Variants in KSR2 observed in about 807,000 individuals in gnomAD.
KSR2 encodes the protein kinase suppressor of ras 2.
A neutral mutation model predicts 107.8 loss-of-function variants in KSR2; 25 were observed. That is an observed-to-expected ratio of 0.23 (90% CI 0.17 to 0.32). The LOEUF (loss-of-function observed/expected upper bound fraction) is 0.32. KSR2 is among the 10% of genes least tolerant of loss of function. KSR2 has a pLI of 1.00. For missense variants in KSR2, 887 were observed against 1,268.9 expected (o/e 0.70, Z 4.57); for synonymous variants, 480 against 507.0 (o/e 0.95, Z 0.71).
At chr12:117,537,847 C>T (rs1876158145) in intron 10 of KSR2, among the ~76,000 whole-genome samples, 1 of 152,158 alleles carries the variant, frequency 6.6e-6, no homozygotes, top group South Asian at 2.1e-4. Context: ...TAAGGGACAC[C>T]CTGATTACTC....
Position 117,555,199 on chromosome 12 carries a change from C to A in KSR2, c.1488G>T (p.Gln496His). Residue 496 changes from glutamine to histidine, a missense_variant, in exon 9 of 20, where the codon CAG (glutamine) becomes CAT (histidine). Transcript: ENST00000339824. ...PPRYSDLHISQTLPKTNKINK... is the reference protein window; with the variant it reads ...PPRYSDLHISHTLPKTNKINK... ...TGATTTTGTTGGTTTTGGGGAGCGT[C>A]TGACTGATGTGCAGGTCTGAATAGC... 2 of 1,613,954 alleles carry A rather than the reference C, an allele frequency of 1.2e-6. No homozygotes were observed. Among genetic ancestry groups the A allele is most frequent in the Non-Finnish European group, 1.7e-6 (2 of 1,179,880 alleles).
At chr12:117,688,599 A>G (rs1593132119) in intron 4 of KSR2, among the ~76,000 whole-genome samples, 2 of 152,290 alleles carry the variant, frequency 1.3e-5, no homozygotes, top group South Asian at 4.1e-4. Flanking sequence ...TGATGCTCTG[A>G]AGCAAAATAC....
At chr12:117,844,233 G>A (rs149346417) in intron 3 of KSR2, among the ~76,000 whole-genome samples, 6 of 152,090 alleles carry the variant, frequency 3.9e-5, no homozygotes, top group African/African-American at 9.6e-5. Flanking sequence ...TGCCATCCAT[G>A]AGCATGCACC....
chr12:117,739,621 A>G (rs1411569805), intron 4 of KSR2, among the ~76,000 whole-genome samples: 1 of 152,212 alleles, frequency 6.6e-6, no homozygotes, highest in African/African-American at 2.4e-5. Context: ...TTCAACAAAC[A>G]TATATACAGC....
At chr12:117,928,032 T>G (rs1359590067) in intron 1 of KSR2, among the ~76,000 whole-genome samples, 2 of 152,170 alleles carry the variant, frequency 1.3e-5, no homozygotes, top group African/African-American at 4.8e-5. Flanking sequence ...CGTTCTACTT[T>G]CTGTCTCTGA....
chr12:117,791,056 A>G (rs1219912325), intron 3 of KSR2, among the ~76,000 whole-genome samples: 1 of 152,074 alleles, frequency 6.6e-6, no homozygotes, highest in Non-Finnish European at 1.5e-5. Context: ...AATTCTTGCT[A>G]ATTGCCTACA....
chr12:117,581,031 C>T (rs1879631867), intron 6 of KSR2, among the ~76,000 whole-genome samples: 1 of 152,360 alleles, frequency 6.6e-6, no homozygotes, highest in African/African-American at 2.4e-5. Context: ...AGGCCCTTGT[C>T]TTTGATGCCT....
chr12:117,945,477 T>G (rs959859136), intron 1 of KSR2, among the ~76,000 whole-genome samples: 1 of 152,066 alleles, frequency 6.6e-6, no homozygotes, highest in African/African-American at 2.4e-5. Flanking sequence ...GAGTTCAAGA[T>G]CAGCCTGGCC....
At chr12:117,594,390 C>T in intron 5 of KSR2, among the ~76,000 whole-genome samples, 1 of 152,176 alleles carries the variant, frequency 6.6e-6, no homozygotes, top group East Asian at 1.9e-4. Context: ...ACTTAAAGTG[C>T]CATCCGAAGA....
At chr12:117,702,035 T>G (rs534201932) in intron 4 of KSR2, among the ~76,000 whole-genome samples, 1 of 152,364 alleles carries the variant, frequency 6.6e-6, no homozygotes, top group South Asian at 2.1e-4. Flanking sequence ...CCACTTGCTC[T>G]TTCTCCTCAG....
Position 117,888,060 on chromosome 12 carries a change from G to A in KSR2, c.181-27629C>T, listed in dbSNP as rs138628747. The stretch of plus-strand genomic sequence containing the variant: ...CACACCCAGTGCCTACCTGAAGAAG[G>A]GCTTAATGCTTCGTAACAATATTTC... On this transcript the variant is annotated intron_variant, in intron 1 of 19. Transcript: ENST00000339824. 3.8e-3 allele frequency among the ~76,000 whole-genome samples: 574 copies of A among 152,230 alleles called. 3 individuals are homozygous for A. The highest frequency in any genetic ancestry group is 0.013 in the African/African-American group (555 of 41,526).
intron 5 of KSR2, among the ~76,000 whole-genome samples, chr12:117,587,941 C>T (rs754162819): frequency 4.6e-5 from 7 of 152,154 alleles, no homozygotes; most frequent in Non-Finnish European, 8.8e-5. Context: ...GCCTCCCTAT[C>T]CCTGCATCAA....
At chr12:117,671,870 GA>G (rs1331269973) in intron 4 of KSR2, among the ~76,000 whole-genome samples, 1 of 150,302 alleles carries the variant, frequency 6.7e-6, no homozygotes, top group Non-Finnish European at 1.5e-5. Context: ...CCTCCTTGCA[GA>G]TTTTCAGAAT....
intron 5 of KSR2, among the ~76,000 whole-genome samples, chr12:117,588,734 G>C (rs780644767): frequency 6.6e-6 from 1 of 152,186 alleles, no homozygotes; most frequent in South Asian, 2.1e-4. Context: ...TTTCACAGAT[G>C]GCAAATTGAG....
chr12:117,665,201 C>T (rs568984571), intron 5 of KSR2, among the ~76,000 whole-genome samples: 1 of 152,046 alleles, frequency 6.6e-6, no homozygotes, highest in Non-Finnish European at 1.5e-5. Flanking sequence ...TGGGAGCCAC[C>T]TTTTAATTAA....
At chr12:117,948,379 A>G (rs1190892301) in intron 1 of KSR2, among the ~76,000 whole-genome samples, 2 of 151,966 alleles carry the variant, frequency 1.3e-5, no homozygotes, top group East Asian at 3.9e-4. Context: ...AACCCCAGCT[A>G]CTCGGGAGGC....
intron 1 of KSR2, among the ~76,000 whole-genome samples, chr12:117,882,441 G>C (rs895215680): frequency 1.3e-5 from 2 of 152,192 alleles, no homozygotes. Context: ...GAACCTTGAG[G>C]TTCCTTTTAA....
intron 10 of KSR2, among the ~76,000 whole-genome samples, chr12:117,534,111 A>G (rs1875856851): frequency 6.6e-6 from 1 of 151,760 alleles, no homozygotes; most frequent in Admixed American, 6.6e-5. Context: ...AGATGAAGTC[A>G]AAGAGACAAG....
chr12:117,615,248 C>CAT (rs1456315291), intron 5 of KSR2, among the ~76,000 whole-genome samples: 2 of 81,650 alleles, frequency 2.4e-5, no homozygotes, highest in Non-Finnish European at 5.2e-5. Context: ...CACACACACA[C>CAT]ACACACACAT....
Sources: gnomAD v4.1 joint callset for allele counts (sites outside exome capture counted in the v4.1 genomes callset) on GRCh38, gnomAD v4.1.1 for gene constraint, MANE v1.5 for transcripts, NCBI Gene and HGNC (gene_info 2026-07-23, HGNC 2026-07-21) for gene names.